Variants in NECAB2 observed in about 807,000 individuals in gnomAD.
NECAB2 encodes N-terminal EF-hand calcium-binding protein 2.
NECAB2 carries 68 observed loss-of-function variants against 51.9 expected under a neutral mutation model. The ratio of observed to expected loss-of-function variants is 1.31; its 90% CI spans 1.08 to 1.60. NECAB2 has a LOEUF of 1.60. NECAB2 is among the 40% of genes most tolerant of loss of function. The pLI, the probability that NECAB2 is intolerant of heterozygous loss-of-function variation, is 0.00. For missense variants in NECAB2, 854 were observed against 490.3 expected (o/e 1.74, Z -7.00); for synonymous variants, 329 against 203.5 (o/e 1.62, Z -5.25).
chr16:83,979,698 G>A (rs1422683907), intron 3 of NECAB2, among the ~76,000 whole-genome samples: 1 of 151,884 alleles, frequency 6.6e-6, no homozygotes, highest in Admixed American at 6.6e-5. Context: ...GGGTGGAGGC[G>A]GAGGGAGGAG....
In NECAB2 at chr16:83,972,302, T is replaced by G. The variant is rs1041602490; in HGVS notation, c.226+127T>G. 3.7e-6 allele frequency: 5 copies of G among 1,346,348 alleles called. No homozygotes were observed. The African/African-American group carries it at 4.4e-5, about 12-fold the overall frequency. 83.4% of individuals were successfully genotyped at this position (1,346,348 alleles called of 1,614,324 possible). ...AGGTTTGGAGTGCAGGGGTCTGAAG[T>G]TAGAAGGCCAAATCCTGCTGCTGCT... is the stretch of plus-strand genomic sequence containing the variant. On this transcript the variant is annotated intron_variant, in intron 2 of 12. Coordinates refer to ENST00000305202, the MANE Select transcript of NECAB2 (RefSeq NM_019065.3).
chr16:83,990,861 CTGG>C (rs958109642), intron 6 of NECAB2, among the ~76,000 whole-genome samples: 7 of 152,172 alleles, frequency 4.6e-5, no homozygotes, highest in African/African-American at 1.7e-4. Context: ...AGGAGAATGC[CTGG>C]TGTACATATT....
intron 5 of NECAB2, among the ~76,000 whole-genome samples, chr16:83,981,708 T>G (rs8047188): frequency 0.28 from 43,053 of 151,686 alleles, 10,839 homozygotes; most frequent in African/African-American, 0.68. Context: ...GACCTGGCAA[T>G]AGGCATGGGA....
intron 5 of NECAB2, among the ~76,000 whole-genome samples, chr16:83,982,525 TGTGAG>T (rs1453819299): frequency 1.4e-4 from 22 of 152,164 alleles, no homozygotes; most frequent in Admixed American, 3.3e-4. Flanking sequence ...AAACAGGCTG[TGTGAG>T]GTCACCATGT....
intron 2 of NECAB2, among the ~76,000 whole-genome samples, chr16:83,974,254 C>G (rs544213259): frequency 2.0e-5 from 3 of 152,124 alleles, no homozygotes; most frequent in African/African-American, 7.2e-5. Flanking sequence ...CTGGCTCAGC[C>G]GCGTACCGGC....
chr16:84,002,227 T>TCC, intron 12 of NECAB2, 91 bp from the exon 13 acceptor site: 4 of 1,489,256 alleles, frequency 2.7e-6, no homozygotes, highest in Non-Finnish European at 3.7e-6. Context: ...CTCAAAGCCA[T>TCC]CCCCCGACCT....
rs761522763 is a variant in NECAB2, at chr16:83,994,566, C to T, written c.716-43C>T. 3.1e-6 allele frequency: 5 copies of T among 1,612,362 alleles called. No individual in the cohort carries two copies. The African/African-American group carries it at 5.3e-5, about 17-fold the overall frequency. ...TCCAGCTTCCCCCCGAAGCCCTCGT[C>T]CTGCCCACCACTGAAGTCTGTGTGT... On this transcript the variant is annotated intron_variant, in intron 7 of 12. Transcript: ENST00000305202.
At chr16:84,001,061 G>A (rs1168681142) in intron 11 of NECAB2, among the ~76,000 whole-genome samples, 2 of 152,092 alleles carry the variant, frequency 1.3e-5, no homozygotes, top group African/African-American at 2.4e-5. Flanking sequence ...AGAGCACCTT[G>A]TCCTCCTGGA....
chr16:83,992,379 C>CCCA (rs904355034), intron 6 of NECAB2, among the ~76,000 whole-genome samples: 61 of 143,562 alleles, frequency 4.2e-4, no homozygotes, highest in African/African-American at 1.6e-3. Flanking sequence ...AGCACCCGTC[C>CCCA]CCCCGCCCAC....
In NECAB2 at chr16:84,002,728, A is replaced by C. The variant is rs774813078; in HGVS notation, c.*382A>C. ...TGCCCCTGTAGTGCCCAACCTAGCC[A>C]GGTAGCCACCACTGTGCCCAGGCGC... is the stretch of plus-strand genomic sequence containing the variant. On this transcript the variant is annotated 3_prime_UTR_variant, in exon 13 of 13. Coordinates refer to ENST00000305202, the MANE Select transcript of NECAB2 (RefSeq NM_019065.3). 44 of 233,956 alleles carry C rather than the reference A, an allele frequency of 1.9e-4. No individual in the cohort carries two copies. The Middle Eastern group carries it at 9.3e-3, about 50-fold the overall frequency. 14.5% of individuals were successfully genotyped at this position (233,956 alleles called of 1,614,324 possible). A position where few individuals can be genotyped will look rare whatever the true frequency, so the allele number is the denominator to read the frequency against.
At position 83,999,861 on chromosome 16, in the gene NECAB2, T is replaced by C. The variant is rs796118607; in HGVS notation, c.963-863T>C. Among the ~76,000 whole-genome samples the C allele has an allele frequency of 1.2e-4, 18 of 145,104 alleles. 1 individual carries two copies. The highest frequency in any genetic ancestry group is 3.5e-3 in the Middle Eastern group (1 of 282). On this transcript the variant is annotated intron_variant, in intron 10 of 12. Transcript: ENST00000305202. Reference sequence around the variant, plus strand: ...TAGAAGGAAGAAGAGGGAAGATGCTTTGATTTTTAAAGGTTTTTTGATTTT... The same window carrying C: ...TAGAAGGAAGAAGAGGGAAGATGCTCTGATTTTTAAAGGTTTTTTGATTTT...
chr16:84,000,432 G>C (rs952899089), intron 10 of NECAB2, among the ~76,000 whole-genome samples: 16 of 152,292 alleles, frequency 1.1e-4, no homozygotes, highest in Middle Eastern at 6.8e-3. Context: ...GAAGGCTGAA[G>C]TGATTGTGCC....
chr16:83,978,984 T>C (rs1278307721), intron 3 of NECAB2, among the ~76,000 whole-genome samples: 9 of 152,132 alleles, frequency 5.9e-5, no homozygotes, highest in Admixed American at 3.3e-4. Context: ...CAAACACGAA[T>C]CCTAACTCAA....
chr16:83,990,220 A>T (rs530141403), intron 5 of NECAB2, among the ~76,000 whole-genome samples: 2 of 152,174 alleles, frequency 1.3e-5, no homozygotes, highest in African/African-American at 2.4e-5. Context: ...ACAACCTTGT[A>T]AGATAGATGC....
At chr16:83,977,038 A>G (rs889294838) in intron 2 of NECAB2, among the ~76,000 whole-genome samples, 3 of 152,244 alleles carry the variant, frequency 2.0e-5, no homozygotes, top group South Asian at 4.1e-4. Flanking sequence ...CCAGGCTGCA[A>G]TCCGCTTTCA....
chr16:83,968,828 G>A lies in NECAB2; in HGVS notation c.180G>A (p.Gly60=). The A allele has an allele frequency of 8.9e-7, 1 of 1,123,226 alleles. No homozygotes were observed. The highest frequency in any genetic ancestry group is 3.8e-4 in the Middle Eastern group (1 of 2,638). 69.6% of individuals were successfully genotyped at this position (1,123,226 alleles called of 1,614,324 possible). The change falls in exon 1 of 13, where the codon GGG becomes GGA. Residue 60 remains glycine, a synonymous_variant. Coordinates refer to ENST00000305202, the MANE Select transcript of NECAB2 (RefSeq NM_019065.3). ...PADPGPASPR[G]GTAVILDIFR... is the part of the protein sequence containing the mutation. ...ACCCCGGCCCAGCCTCGCCGCGCGG[G>A]GGCACCGCCGTCATCCTGGACGTGA...
At chr16:83,987,744 A>T (rs2151093292) in intron 5 of NECAB2, among the ~76,000 whole-genome samples, 1 of 152,296 alleles carries the variant, frequency 6.6e-6, no homozygotes, top group Non-Finnish European at 1.5e-5. Flanking sequence ...TACATAGTTA[A>T]TACCTTGTGG....
intron 5 of NECAB2, among the ~76,000 whole-genome samples, chr16:83,982,113 G>A (rs1053434793): frequency 6.6e-6 from 1 of 152,150 alleles, no homozygotes; most frequent in Non-Finnish European, 1.5e-5. Context: ...GACCAAGCTC[G>A]GAGCAAAGGC....
chr16:83,972,946 T>A (rs1422820619), intron 2 of NECAB2, among the ~76,000 whole-genome samples: 1 of 152,184 alleles, frequency 6.6e-6, no homozygotes, highest in African/African-American at 2.4e-5. Context: ...CAACTCACCG[T>A]GGACTTGAAC....
Sources: gnomAD v4.1 joint callset for allele counts (sites outside exome capture counted in the v4.1 genomes callset) on GRCh38, gnomAD v4.1.1 for gene constraint, MANE v1.5 for transcripts, NCBI Gene and HGNC (gene_info 2026-07-23, HGNC 2026-07-21) for gene names.